Variants in CHODL observed in about 807,000 individuals in gnomAD.
CHODL encodes chondrolectin.
Under a neutral mutation model 34.5 loss-of-function variants are expected in CHODL, and 29 were observed. That is an observed-to-expected ratio of 0.84 (90% CI 0.63 to 1.15). The LOEUF is 1.15. Among genes scored for constraint, CHODL ranks in the 50% most tolerant of loss-of-function variants. CHODL has a pLI of 0.00. For synonymous variants in CHODL, 125 were observed against 116.1 expected, an observed-to-expected ratio of 1.08 and a Z score of -0.49; for missense variants, 332 against 332.5, an observed-to-expected ratio of 1.00 and a Z score of 0.01.
intron 2 of CHODL, among the ~76,000 whole-genome samples, chr21:18,087,809 C>T (rs1000594227): frequency 2.0e-5 from 3 of 152,130 alleles, no homozygotes; most frequent in Admixed American, 6.5e-5. Context: ...AATCCATTCT[C>T]CTACTACTAC....
chr21:18,046,140 A>G (rs908201082), intron 2 of CHODL, among the ~76,000 whole-genome samples: 7 of 151,990 alleles, frequency 4.6e-5, no homozygotes, highest in African/African-American at 1.7e-4. Context: ...AGATAAAGTG[A>G]GAAGGTGGAG....
At chr21:18,190,319 A>G (rs546532623) in intron 2 of CHODL, among the ~76,000 whole-genome samples, 1 of 152,302 alleles carries the variant, frequency 6.6e-6, no homozygotes. Context: ...AAAGCTACTT[A>G]TAGGTAGATT....
chr21:18,248,984 T>TG (rs1366855858), intron 1 of CHODL, among the ~76,000 whole-genome samples: 4 of 116,282 alleles, frequency 3.4e-5, no homozygotes, highest in African/African-American at 1.1e-4. Context: ...TAAATATATA[T>TG]TATACATATA....
chr21:18,174,127 A>ATATATATATATCTTGG (rs1305431695), intron 2 of CHODL, among the ~76,000 whole-genome samples: 2 of 9,958 alleles, frequency 2.0e-4, no homozygotes, highest in African/African-American at 3.5e-4. Flanking sequence ...CTTGGTGTAT[A>ATATATATATATCTTGG]TATATATATA....
At chr21:18,168,678 T>C (rs919915520) in intron 2 of CHODL, among the ~76,000 whole-genome samples, 3 of 152,220 alleles carry the variant, frequency 2.0e-5, no homozygotes, top group African/African-American at 7.2e-5. Flanking sequence ...ACCAGTTCCT[T>C]ATCAAATGTA....
At chr21:18,088,930 C>T (rs563839131) in intron 2 of CHODL, among the ~76,000 whole-genome samples, 2 of 152,250 alleles carry the variant, frequency 1.3e-5, no homozygotes, top group East Asian at 1.9e-4. Context: ...AGTAAGGTCT[C>T]GGTTCTCAGT....
intron 4 of CHODL, among the ~76,000 whole-genome samples, chr21:18,262,586 T>C (rs2074395490): frequency 1.3e-5 from 2 of 152,226 alleles, no homozygotes; most frequent in Non-Finnish European, 2.9e-5. Context: ...CTGTCACATA[T>C]GTGATGCATC....
At chr21:18,108,487 T>G (rs566179556) in intron 2 of CHODL, among the ~76,000 whole-genome samples, 1 of 152,320 alleles carries the variant, frequency 6.6e-6, no homozygotes, top group South Asian at 2.1e-4. Flanking sequence ...ATTTTGGGCT[T>G]CACAAACCAC....
intron 5 of CHODL, among the ~76,000 whole-genome samples, chr21:18,264,620 AAAAAG>A (rs2074428051): frequency 6.6e-6 from 1 of 150,630 alleles, no homozygotes; most frequent in African/African-American, 2.5e-5. Flanking sequence ...AAAAAAAAAA[AAAAAG>A]AGAGAGAGAA....
intron 2 of CHODL, among the ~76,000 whole-genome samples, chr21:18,068,152 A>G (rs897123082): frequency 2.6e-5 from 4 of 151,900 alleles, no homozygotes; most frequent in African/African-American, 7.2e-5. Context: ...CTTCTCTTCA[A>G]ACATAAACTT....
At chr21:18,034,052 C>T (rs981708896) in intron 2 of CHODL, among the ~76,000 whole-genome samples, 1 of 151,984 alleles carries the variant, frequency 6.6e-6, no homozygotes, top group Non-Finnish European at 1.5e-5. Flanking sequence ...CTATGAGTGG[C>T]CCATCCAAAC....
At chr21:17,927,102 GTGTA>G (rs900567153) in intron 1 of CHODL, among the ~76,000 whole-genome samples, 7 of 136,584 alleles carry the variant, frequency 5.1e-5, no homozygotes, top group East Asian at 2.0e-4. Context: ...GTATATCTGT[GTGTA>G]TGTATATATG....
chr21:18,014,457 T>C (rs1346320899), intron 1 of CHODL, among the ~76,000 whole-genome samples: 1 of 152,160 alleles, frequency 6.6e-6, no homozygotes, highest in Non-Finnish European at 1.5e-5. Context: ...CTGGAAACAA[T>C]AGATACTATG....
chr21:18,201,209 T>G lies in CHODL; in HGVS notation c.-44-55300T>G, dbSNP rs2073647763. On this transcript the variant is annotated intron_variant, in intron 2 of 6. Transcript: ENST00000400127. ...TGAGTTTATTCCTTAACTATAAATG[T>G]TACTTATTTTTTGTTATTGGCAATT... 2.0e-5 allele frequency among the ~76,000 whole-genome samples: 3 copies of G among 152,352 alleles called. No individual in the cohort carries two copies. The South Asian group carries it at 6.2e-4, about 32-fold the overall frequency.
intron 1 of CHODL, among the ~76,000 whole-genome samples, chr21:17,997,864 A>T (rs1367384950): frequency 6.6e-6 from 1 of 152,038 alleles, no homozygotes; most frequent in Non-Finnish European, 1.5e-5. Context: ...TGAGATTTGG[A>T]TGGGGACACA....
intron 2 of CHODL, among the ~76,000 whole-genome samples, chr21:18,038,927 A>G (rs1600925376): frequency 6.8e-6 from 1 of 146,850 alleles, no homozygotes; most frequent in African/African-American, 2.4e-5. Flanking sequence ...GTACTTAAAA[A>G]TAAGAATCTA....
chr21:18,082,921 A>G (rs2064959582), intron 2 of CHODL, among the ~76,000 whole-genome samples: 2 of 152,126 alleles, frequency 1.3e-5, no homozygotes, highest in Non-Finnish European at 1.5e-5. Context: ...GTAGGAGGAA[A>G]AAAAAAAAAA....
intron 2 of CHODL, among the ~76,000 whole-genome samples, chr21:18,105,153 A>C (rs570025218): frequency 8.9e-4 from 136 of 152,228 alleles, no homozygotes; most frequent in Non-Finnish European, 1.5e-3. Context: ...GCTATTTCAT[A>C]TGAGGAATCA....
intron 2 of CHODL, among the ~76,000 whole-genome samples, chr21:18,076,074 G>A (rs1396191506): frequency 6.6e-6 from 1 of 152,108 alleles, no homozygotes; most frequent in African/African-American, 2.4e-5. Context: ...CTAGTTTATG[G>A]CATTTTGTTA....
Sources: allele counts gnomAD v4.1 joint callset (sites outside exome capture counted in the v4.1 genomes callset), GRCh38; gene constraint gnomAD v4.1.1; transcripts MANE v1.5; gene names NCBI Gene and HGNC (gene_info 2026-07-23, HGNC 2026-07-21).